The following RHOH variants were observed in gnomAD, a reference collection of about 807,000 sequenced individuals.
RHOH encodes the protein ras homolog family member H.
In RHOH, 6 loss-of-function variants were observed where a neutral mutation model predicts 13.8. That is an observed-to-expected ratio of 0.44 (90% CI 0.24 to 0.86). The LOEUF (loss-of-function observed/expected upper bound fraction) is 0.86, where lower values mean the gene tolerates loss of function less well. Ranked by LOEUF, RHOH falls within the 40% of genes least tolerant of loss-of-function variation. RHOH has a pLI of 0.24. For missense variants in RHOH, 147 were observed against 244.5 expected (o/e 0.60, Z 2.66); for synonymous variants, 117 against 103.0 (o/e 1.14, Z -0.82).
chr4:40,213,917 C>T (rs903999815), intron 1 of RHOH, among the ~76,000 whole-genome samples: 4 of 151,980 alleles, frequency 2.6e-5, no homozygotes, highest in Non-Finnish European at 5.9e-5. Context: ...CCACCACGCC[C>T]GGCTAATTTT....
intron 1 of RHOH, among the ~76,000 whole-genome samples, chr4:40,197,563 A>G (rs549197463): frequency 6.6e-6 from 1 of 152,314 alleles, no homozygotes; most frequent in Admixed American, 6.5e-5. Context: ...ATTCTAGAGA[A>G]TGCATATGCT....
At position 40,244,769 on chromosome 4, in the gene RHOH, A is replaced by C. The variant is rs1729657594; in HGVS notation, c.*807A>C. 1 of 178,624 alleles carries C rather than the reference A, an allele frequency of 5.6e-6. No homozygotes were observed. Among genetic ancestry groups the C allele is most frequent in the Non-Finnish European group, 1.2e-5 (1 of 82,976 alleles). The allele number at this position is 178,624 out of a possible 1,614,324, so 11.1% of individuals were successfully genotyped here. On this transcript the variant is annotated 3_prime_UTR_variant, in exon 3 of 3. Transcript: ENST00000381799. ...GGTAGAGAATCAGACTGCTCCAAGC[A>C]ATGGCAACAGAACTTGGAACAGAAG...
intron 1 of RHOH, among the ~76,000 whole-genome samples, chr4:40,228,639 A>G (rs115859266): frequency 0.011 from 1,731 of 152,214 alleles, 24 homozygotes; most frequent in African/African-American, 0.038. Flanking sequence ...AAGTATCTTG[A>G]ACTTGGTGGA....
chr4:40,221,684 C>T (rs1726602862), intron 1 of RHOH, among the ~76,000 whole-genome samples: 4 of 152,146 alleles, frequency 2.6e-5, no homozygotes, highest in Admixed American at 2.0e-4. Flanking sequence ...TCCCTATTCT[C>T]TGAGACACAA....
intron 1 of RHOH, among the ~76,000 whole-genome samples, chr4:40,241,782 C>T (rs562894452): frequency 4.0e-5 from 6 of 151,830 alleles, no homozygotes; most frequent in South Asian, 2.1e-4. Context: ...CCCAGCTACT[C>T]GGGAGGCTGA....
At chr4:40,226,590 T>C (rs1727279328) in intron 1 of RHOH, among the ~76,000 whole-genome samples, 2 of 149,998 alleles carry the variant, frequency 1.3e-5, no homozygotes, top group Admixed American at 6.6e-5. Flanking sequence ...CTCCACAACA[T>C]GGGCCCTTTG....
intron 1 of RHOH, among the ~76,000 whole-genome samples, chr4:40,199,566 C>T (rs534398037): frequency 7.2e-5 from 11 of 152,298 alleles, no homozygotes; most frequent in South Asian, 4.1e-4. Context: ...TCTCAGTATC[C>T]GCTGCATTAC....
intron 1 of RHOH, among the ~76,000 whole-genome samples, chr4:40,228,846 T>C (rs144777179): frequency 1.6e-4 from 24 of 152,308 alleles, no homozygotes; most frequent in African/African-American, 5.3e-4. Context: ...GTGTGGGTAA[T>C]GCATTTTCAC....
intron 1 of RHOH, among the ~76,000 whole-genome samples, chr4:40,204,837 T>G (rs535520880): frequency 6.6e-6 from 1 of 152,292 alleles, no homozygotes; most frequent in South Asian, 2.1e-4. Flanking sequence ...TAACATATGA[T>G]TAATGCTCTA....
At chr4:40,232,384 C>T (rs1728046809) in intron 1 of RHOH, among the ~76,000 whole-genome samples, 1 of 111,688 alleles carries the variant, frequency 9.0e-6, no homozygotes, top group Non-Finnish European at 2.1e-5. Flanking sequence ...TCCACCATGC[C>T]TGGCTAATTT....
chr4:40,194,868 T>C, upstream of RHOH, among the ~76,000 whole-genome samples: 1 of 152,240 alleles, frequency 6.6e-6, no homozygotes, highest in East Asian at 1.9e-4. Flanking sequence ...GACTTGTGGC[T>C]GGCTGCGTGG....
chr4:40,195,388 TC>T (rs1723026347), upstream of RHOH, among the ~76,000 whole-genome samples: 1 of 138,878 alleles, frequency 7.2e-6, no homozygotes, highest in Non-Finnish European at 1.6e-5. Flanking sequence ...CTTCCTTCCT[TC>T]CTTCCTTCCT....
chr4:40,201,259 C>CA (rs1723944849), intron 1 of RHOH, among the ~76,000 whole-genome samples: 1 of 150,010 alleles, frequency 6.7e-6, no homozygotes, highest in Admixed American at 6.7e-5. Flanking sequence ...CTATCCCCCC[C>CA]TTTTTTTTTG....
intron 1 of RHOH, among the ~76,000 whole-genome samples, chr4:40,227,930 A>G (rs1240513380): frequency 6.6e-6 from 1 of 152,206 alleles, no homozygotes; most frequent in East Asian, 1.9e-4. Flanking sequence ...AGGCCCATAC[A>G]TGGAATATAA....
chr4:40,226,839 T>G (rs111847874), intron 1 of RHOH, among the ~76,000 whole-genome samples: 41 of 152,242 alleles, frequency 2.7e-4, no homozygotes, highest in African/African-American at 9.6e-4. Context: ...AGGGAACAGG[T>G]GTTTAAAAAG....
upstream of RHOH, among the ~76,000 whole-genome samples, chr4:40,194,012 T>G (rs1425056561): frequency 6.6e-6 from 1 of 152,142 alleles, no homozygotes; most frequent in Non-Finnish European, 1.5e-5. Context: ...ACTTAGGAGA[T>G]GGAGGGGATC....
chr4:40,204,087 A>G (rs1724353481), intron 1 of RHOH, among the ~76,000 whole-genome samples: 1 of 152,258 alleles, frequency 6.6e-6, no homozygotes, highest in Non-Finnish European at 1.5e-5. Flanking sequence ...ATCACAAAAT[A>G]AACATATGAA....
At chr4:40,204,887 G>A (rs1401833856) in intron 1 of RHOH, among the ~76,000 whole-genome samples, 1 of 152,190 alleles carries the variant, frequency 6.6e-6, no homozygotes, top group Non-Finnish European at 1.5e-5. Context: ...AGCCAGGGTT[G>A]GTTCCCATTT....
At chr4:40,215,576 A>G (rs752178028) in intron 1 of RHOH, among the ~76,000 whole-genome samples, 3 of 152,152 alleles carry the variant, frequency 2.0e-5, no homozygotes, top group Non-Finnish European at 4.4e-5. Flanking sequence ...AAGGGGGTGG[A>G]ATTACTTCTG....
Sources: gnomAD v4.1 joint callset for allele counts (sites outside exome capture counted in the v4.1 genomes callset) on GRCh38, gnomAD v4.1.1 for gene constraint, MANE v1.5 for transcripts, NCBI Gene and HGNC (gene_info 2026-07-23, HGNC 2026-07-21) for gene names.